The following DCC variants were observed in gnomAD, a reference collection of about 807,000 sequenced individuals.
DCC encodes netrin receptor DCC.
A neutral mutation model predicts 172.5 loss-of-function variants in DCC; 58 were observed. The ratio of observed to expected loss-of-function variants is 0.34; its 90% CI spans 0.27 to 0.42. DCC has a LOEUF of 0.42. Among genes scored for constraint, DCC ranks in the 10% least tolerant of loss-of-function variants. The pLI is 1.00. For synonymous variants in DCC, 709 were observed against 644.5 expected, an observed-to-expected ratio of 1.10 and a Z score of -1.52; for missense variants, 1,740 against 1,791.0, an observed-to-expected ratio of 0.97 and a Z score of 0.51.
intron 2 of DCC, among the ~76,000 whole-genome samples, chr18:52,774,784 A>C (rs930483420): frequency 3.9e-5 from 6 of 151,992 alleles, no homozygotes; most frequent in African/African-American, 1.4e-4. Context: ...CCCCTGAACC[A>C]TGAGTGTCTG....
chr18:53,109,506 C>CTG (rs537892576), intron 7 of DCC, among the ~76,000 whole-genome samples: 6 of 151,202 alleles, frequency 4.0e-5, no homozygotes, highest in African/African-American at 7.3e-5. Context: ...GTCTCTGTCT[C>CTG]TGTGTGTGTG....
At chr18:52,978,732 C>T (rs2041161648) in intron 5 of DCC, among the ~76,000 whole-genome samples, 1 of 152,182 alleles carries the variant, frequency 6.6e-6, no homozygotes, top group Non-Finnish European at 1.5e-5. Flanking sequence ...CCACCCTTCC[C>T]GCTTTACAGT....
At chr18:52,690,676 G>C (rs757333259) in intron 1 of DCC, among the ~76,000 whole-genome samples, 2 of 152,112 alleles carry the variant, frequency 1.3e-5, no homozygotes, top group African/African-American at 4.8e-5. Context: ...GGTTCAGAGA[G>C]ACCAAGTGGC....
chr18:52,672,762 C>T (rs1386482196), intron 1 of DCC, among the ~76,000 whole-genome samples: 1 of 151,568 alleles, frequency 6.6e-6, no homozygotes, highest in Non-Finnish European at 1.5e-5. Context: ...TGATGAAGAC[C>T]TCACATTGAA....
chr18:52,627,154 A>G (rs2034590328), intron 1 of DCC, among the ~76,000 whole-genome samples: 2 of 152,190 alleles, frequency 1.3e-5, no homozygotes, highest in South Asian at 4.1e-4. Context: ...GTAGAGCCCC[A>G]GTTATTCTTT....
chr18:52,624,814 C>T (rs778143971), intron 1 of DCC, among the ~76,000 whole-genome samples: 3 of 152,114 alleles, frequency 2.0e-5, no homozygotes, highest in Non-Finnish European at 4.4e-5. Flanking sequence ...GCAAGACACT[C>T]GTGGTTTAAA....
At chr18:53,063,673 G>C (rs1599087111) in intron 6 of DCC, 2 of 519,330 alleles carry the variant, frequency 3.9e-6, no homozygotes, top group Non-Finnish European at 6.9e-6. Context: ...TGGTTTTACA[G>C]ACAAGACTTT....
At chr18:52,422,276 A>T in intron 1 of DCC, among the ~76,000 whole-genome samples, 1 of 152,188 alleles carries the variant, frequency 6.6e-6, no homozygotes, top group African/African-American at 2.4e-5. Context: ...TCACATCCAG[A>T]TGTTTATAGC....
At chr18:52,352,362 C>T (rs886700097) in intron 1 of DCC, among the ~76,000 whole-genome samples, 26 of 152,260 alleles carry the variant, frequency 1.7e-4, no homozygotes, top group Middle Eastern at 3.4e-3. Flanking sequence ...TAGTCAGACT[C>T]CAATGGCAAT....
chr18:52,355,148 A>C (rs914722441), intron 1 of DCC, among the ~76,000 whole-genome samples: 1 of 152,202 alleles, frequency 6.6e-6, no homozygotes, highest in Non-Finnish European at 1.5e-5. Context: ...GAGTGAGTCA[A>C]AGCATTAAAA....
At chr18:53,507,112 A>G (rs1476557101) in intron 27 of DCC, among the ~76,000 whole-genome samples, 2 of 152,170 alleles carry the variant, frequency 1.3e-5, no homozygotes, top group Non-Finnish European at 2.9e-5. Context: ...ACTATGAGTA[A>G]GAGAAAGGTT....
At chr18:53,038,183 C>T (rs1190016839) in intron 5 of DCC, among the ~76,000 whole-genome samples, 1 of 151,898 alleles carries the variant, frequency 6.6e-6, no homozygotes, top group Non-Finnish European at 1.5e-5. Flanking sequence ...AGCAAGAGAC[C>T]AGTCCCTAAA....
chr18:52,711,851 G>A lies in DCC; in HGVS notation c.92-40203G>A, dbSNP rs768763328. Among the ~76,000 whole-genome samples the A allele has an allele frequency of 2.5e-4, 38 of 152,286 alleles. No homozygotes were observed. The East Asian group carries it at 2.9e-3, about 12-fold the overall frequency. On this transcript the variant is annotated intron_variant, in intron 1 of 28. Transcript: ENST00000442544. ...TTTGCTAACAATGCCTGACTTTTCT[G>A]TATAATCCCTGACTTTTCTGTATCT...
At chr18:53,132,271 A>G (rs373397254) in intron 7 of DCC, among the ~76,000 whole-genome samples, 5 of 152,066 alleles carry the variant, frequency 3.3e-5, no homozygotes, top group African/African-American at 1.2e-4. Context: ...TTTCTGTGAT[A>G]CAAATAGTCT....
chr18:53,086,297 CCTTTCTTCTT>C (rs1483072298), intron 7 of DCC, among the ~76,000 whole-genome samples: 1 of 27,050 alleles, frequency 3.7e-5, no homozygotes, highest in Non-Finnish European at 6.4e-5. Flanking sequence ...TCTTCTTCTT[CCTTTCTTCTT>C]CTTCTTCTTC....
chr18:53,263,781 T>C (rs998473538), intron 12 of DCC, among the ~76,000 whole-genome samples: 1 of 151,890 alleles, frequency 6.6e-6, no homozygotes, highest in African/African-American at 2.4e-5. Flanking sequence ...GCTCTAAATA[T>C]TACTTTTATA....
At chr18:52,988,683 A>C (rs1259585512) in intron 5 of DCC, among the ~76,000 whole-genome samples, 4 of 152,132 alleles carry the variant, frequency 2.6e-5, no homozygotes, top group African/African-American at 9.7e-5. Context: ...TGTGTTGTGC[A>C]TATAAAACTT....
chr18:52,591,175 A>G (rs1161179611), intron 1 of DCC, among the ~76,000 whole-genome samples: 1 of 152,206 alleles, frequency 6.6e-6, no homozygotes, highest in Non-Finnish European at 1.5e-5. Context: ...GGCTAATCCA[A>G]TATAGGAAAA....
At chr18:53,405,080 C>A (rs2145042669) in intron 19 of DCC, among the ~76,000 whole-genome samples, 1 of 151,548 alleles carries the variant, frequency 6.6e-6, no homozygotes, top group Middle Eastern at 3.4e-3. Context: ...ATTCAAATTA[C>A]TTCCAGAAAA....
Sources: allele counts gnomAD v4.1 joint callset (sites outside exome capture counted in the v4.1 genomes callset), GRCh38; gene constraint gnomAD v4.1.1; transcripts MANE v1.5; gene names NCBI Gene and HGNC (gene_info 2026-07-23, HGNC 2026-07-21).